FOCAD: variants seen among roughly 807,000 people sequenced by gnomAD.
The protein encoded by FOCAD is KIAA1797.
In FOCAD, 198 loss-of-function variants were observed where a neutral mutation model predicts 225.6. The ratio of observed to expected loss-of-function variants is 0.88; its 90% CI spans 0.78 to 0.99. FOCAD has a LOEUF of 0.99. FOCAD is among the 50% of genes least tolerant of loss of function. The pLI, the probability that FOCAD is intolerant of heterozygous loss-of-function variation, is 0.00. For missense variants in FOCAD, 2,713 were observed against 2,123.6 expected (o/e 1.28, Z -5.46); for synonymous variants, 897 against 755.0 (o/e 1.19, Z -3.08).
At chr9:20,749,957 C>T (rs971141484) in intron 5 of FOCAD, among the ~76,000 whole-genome samples, 2 of 152,112 alleles carry the variant, frequency 1.3e-5, no homozygotes, top group African/African-American at 4.8e-5. Context: ...GGGAACCATG[C>T]ATTTATCATT....
At chr9:20,920,111 C>G (rs1303360260) in intron 24 of FOCAD, among the ~76,000 whole-genome samples, 3 of 151,446 alleles carry the variant, frequency 2.0e-5, no homozygotes, top group African/African-American at 7.3e-5. Context: ...CAAACAAATT[C>G]ACAAGAAAAA....
intron 11 of FOCAD, among the ~76,000 whole-genome samples, chr9:20,814,904 C>T (rs1237460485): frequency 6.6e-6 from 1 of 151,790 alleles, no homozygotes; most frequent in African/African-American, 2.4e-5. Context: ...AACCCTATAC[C>T]AGAATTAAAA....
intron 12 of FOCAD, 58 bp from the exon 13 acceptor site, chr9:20,820,266 A>C: frequency 7.9e-7 from 1 of 1,262,422 alleles, no homozygotes; most frequent in Non-Finnish European, 1.1e-6. Context: ...GCTTTTGGTA[A>C]CCTCGAGGTT....
At chr9:20,869,178 T>G (rs1400023542) in intron 18 of FOCAD, among the ~76,000 whole-genome samples, 1 of 152,174 alleles carries the variant, frequency 6.6e-6, no homozygotes, top group Non-Finnish European at 1.5e-5. Context: ...ACTAAGATTC[T>G]TCTTTGTTGA....
chr9:20,706,530 G>T (rs766313121), intron 1 of FOCAD, among the ~76,000 whole-genome samples: 3 of 152,152 alleles, frequency 2.0e-5, no homozygotes, highest in Admixed American at 6.5e-5. Flanking sequence ...GAATTGTGCA[G>T]GTCATGCCTC....
Position 20,789,589 on chromosome 9 carries a change from C to G in FOCAD, c.1436C>G (p.Ala479Gly), listed in dbSNP as rs761094777. Reference sequence around the variant, plus strand: ...ATACTCAAGGTCACTACAGAATTAGCCCAAGCAGATTCCTCCCAGGTAAAG... The same window carrying G: ...ATACTCAAGGTCACTACAGAATTAGGCCAAGCAGATTCCTCCCAGGTAAAG... ...HQILKVTTELAQADSSQVPNL... is the reference protein window; with the variant it reads ...HQILKVTTELGQADSSQVPNL... Residue 479 changes from alanine to glycine, a missense_variant, in exon 11 of 44, where the codon GCC (alanine) becomes GGC (glycine). Coordinates refer to ENST00000338382, the MANE Select transcript of FOCAD (RefSeq NM_001375567.1). The G allele has an allele frequency of 6.2e-7, 1 of 1,613,840 alleles. No homozygotes were observed. The highest frequency in any genetic ancestry group is 8.5e-7 in the Non-Finnish European group (1 of 1,179,904).
At chr9:20,712,474 A>C (rs533027530) in intron 1 of FOCAD, among the ~76,000 whole-genome samples, 4 of 152,018 alleles carry the variant, frequency 2.6e-5, no homozygotes, top group African/African-American at 9.6e-5. Flanking sequence ...AGCCTGGCCA[A>C]CATGGTGAAA....
At chr9:20,697,771 G>A (rs541806579) in intron 1 of FOCAD, among the ~76,000 whole-genome samples, 1 of 152,314 alleles carries the variant, frequency 6.6e-6, no homozygotes, top group African/African-American at 2.4e-5. Context: ...AATTAAAAAT[G>A]CCCTCTAGAC....
intron 6 of FOCAD, among the ~76,000 whole-genome samples, chr9:20,763,685 G>A (rs1419138886): frequency 2.0e-5 from 3 of 152,174 alleles, no homozygotes; most frequent in South Asian, 2.1e-4. Flanking sequence ...CAGATGGCTT[G>A]ATAAAGACCT....
chr9:20,954,338 A>T (rs896061316), intron 35 of FOCAD, among the ~76,000 whole-genome samples: 3 of 152,192 alleles, frequency 2.0e-5, no homozygotes, highest in African/African-American at 7.2e-5. Flanking sequence ...TTCATGGCCA[A>T]ACTAGTGCTA....
rs1172827814 is a variant in FOCAD, at chr9:20,866,970, C to T, written c.2148C>T (p.Asn716=). 2 of 1,397,538 alleles carry T rather than the reference C, an allele frequency of 1.4e-6. No homozygotes were observed. The highest frequency in any genetic ancestry group is 1.9e-6 in the Non-Finnish European group (2 of 1,046,402). The allele number at this position is 1,397,538 out of a possible 1,614,324, so 86.6% of individuals were successfully genotyped here. A position where few individuals can be genotyped will look rare whatever the true frequency, so the allele number is the denominator to read the frequency against. The change falls in exon 18 of 44, where the codon AAC becomes AAT. Residue 716 remains asparagine (N), a synonymous_variant. Coordinates refer to ENST00000338382, the MANE Select transcript of FOCAD (RefSeq NM_001375567.1). ...ATGCTGCATATAGATCCCTGGCCAA[C>T]TTTAGTGCAGGAGAACACACCATTC... ...VANAAYRSLA[N]FSAGEHTILH...
chr9:20,885,388 T>G, intron 21 of FOCAD, 158 bp downstream of exon 21: 1 of 570,690 alleles, frequency 1.8e-6, no homozygotes, highest in Non-Finnish European at 2.6e-6. Context: ...ACTCAAATAT[T>G]TCAATGTATT....
chr9:20,717,513 A>T (rs961543578), intron 2 of FOCAD, among the ~76,000 whole-genome samples: 4 of 152,188 alleles, frequency 2.6e-5, no homozygotes, highest in Non-Finnish European at 5.9e-5. Flanking sequence ...TCTGATACTG[A>T]CAGCAATTTG....
chr9:20,849,183 A>G (rs1447282351), intron 15 of FOCAD, among the ~76,000 whole-genome samples: 1 of 151,976 alleles, frequency 6.6e-6, no homozygotes, highest in Non-Finnish European at 1.5e-5. Context: ...CTTTCCATAT[A>G]GACATCTCCC....
intron 21 of FOCAD, among the ~76,000 whole-genome samples, chr9:20,897,747 T>C (rs1301522896): frequency 6.6e-6 from 1 of 151,808 alleles, no homozygotes; most frequent in Non-Finnish European, 1.5e-5. Context: ...ACTACTATTA[T>C]TATTTTTAAC....
At chr9:20,785,933 T>A (rs1230924151) in intron 10 of FOCAD, among the ~76,000 whole-genome samples, 1 of 152,230 alleles carries the variant, frequency 6.6e-6, no homozygotes, top group Admixed American at 6.5e-5. Flanking sequence ...TGTTTATCTT[T>A]TTGATGGTTA....
At chr9:20,939,375 GC>G (rs1373630642) in intron 28 of FOCAD, among the ~76,000 whole-genome samples, 1 of 151,972 alleles carries the variant, frequency 6.6e-6, no homozygotes, top group Admixed American at 6.6e-5. Flanking sequence ...CATCCCTCCT[GC>G]CTCCTCTTAC....
intron 10 of FOCAD, among the ~76,000 whole-genome samples, chr9:20,785,049 G>A (rs1010995734): frequency 2.6e-5 from 4 of 151,952 alleles, no homozygotes; most frequent in Admixed American, 2.6e-4. Flanking sequence ...GGTTTATTGA[G>A]CATTTCATAT....
At chr9:20,950,923 T>C (rs140073298) in intron 33 of FOCAD, 73 bp from the exon 34 acceptor site, 48 of 1,331,342 alleles carry the variant, frequency 3.6e-5, no homozygotes, top group Non-Finnish European at 4.9e-5. Flanking sequence ...CTGGTGACTT[T>C]CTGTGAGTGA....
Sources: gnomAD v4.1 joint callset for allele counts (sites outside exome capture counted in the v4.1 genomes callset) on GRCh38, gnomAD v4.1.1 for gene constraint, MANE v1.5 for transcripts, NCBI Gene and HGNC (gene_info 2026-07-23, HGNC 2026-07-21) for gene names.